The following SAG variants were observed in gnomAD, a reference collection of about 807,000 sequenced individuals.
SAG encodes the protein S-antigen visual arrestin.
SAG carries 45 observed loss-of-function variants against 55.0 expected under a neutral mutation model. The ratio of observed to expected loss-of-function variants is 0.82; its 90% CI spans 0.64 to 1.05. The LOEUF (loss-of-function observed/expected upper bound fraction) is 1.05, where lower values mean the gene tolerates loss of function less well. Among genes scored for constraint, SAG ranks in the 50% least tolerant of loss-of-function variants. SAG has a pLI of 0.00. For missense variants in SAG, 455 were observed against 512.1 expected, an observed-to-expected ratio of 0.89 and a Z score of 1.08; for synonymous variants, 189 against 197.4, an observed-to-expected ratio of 0.96 and a Z score of 0.36.
intron 2 of SAG, among the ~76,000 whole-genome samples, chr2:233,313,451 A>G (rs1700132199): frequency 6.6e-6 from 1 of 152,180 alleles, no homozygotes; most frequent in Non-Finnish European, 1.5e-5. Context: ...ACTGAGCAGC[A>G]GAATAGCGAG....
chr2:233,334,915 A>G lies in SAG; in HGVS notation c.807-47A>G, dbSNP rs759380575. 23 of 1,608,098 alleles carry G rather than the reference A, an allele frequency of 1.4e-5. No individual in the cohort carries two copies. In the South Asian group the frequency reaches 2.1e-4, roughly 15 times the overall value. Reference sequence around the variant, plus strand: ...TGTCAAATAGGGGCTCATGGGGTCCATGGCAGCTTTGATGGTTATAAATCT... The same window carrying G: ...TGTCAAATAGGGGCTCATGGGGTCCGTGGCAGCTTTGATGGTTATAAATCT... On this transcript the variant is annotated intron_variant, in intron 10 of 15. Transcript: ENST00000409110.
chr2:233,320,181 G>A (rs902648826), intron 4 of SAG, among the ~76,000 whole-genome samples: 4 of 152,164 alleles, frequency 2.6e-5, no homozygotes, highest in African/African-American at 4.8e-5. Flanking sequence ...CTCAGCCCAC[G>A]ATTGACCCTG....
chr2:233,342,213 GTGT>G (rs2125352542), intron 13 of SAG, 55 bp from the exon 14 acceptor site: 1 of 1,310,084 alleles, frequency 7.6e-7, no homozygotes, highest in African/African-American at 1.5e-5. Flanking sequence ...GGTCTTTGCT[GTGT>G]TACTTACAAT....
At chr2:233,316,292 T>A (rs888186230) in intron 3 of SAG, among the ~76,000 whole-genome samples, 157 bp downstream of exon 3, 1 of 152,090 alleles carries the variant, frequency 6.6e-6, no homozygotes, top group African/African-American at 2.4e-5. Context: ...GAAACAATTT[T>A]ATTTATTTTT....
At chr2:233,310,551 C>T (rs926199016) in intron 2 of SAG, among the ~76,000 whole-genome samples, 7 of 148,142 alleles carry the variant, frequency 4.7e-5, no homozygotes, top group Non-Finnish European at 7.4e-5. Context: ...ACTCTGTCAC[C>T]GAGGCTGGAG....
At chr2:233,315,019 C>G (rs867566328) in intron 2 of SAG, among the ~76,000 whole-genome samples, 8 of 152,188 alleles carry the variant, frequency 5.3e-5, no homozygotes, top group African/African-American at 1.9e-4. Context: ...TGCAGAGACT[C>G]CAGATTACTA....
Position 233,346,887 on chromosome 2 carries a change from G to A in SAG, c.1193G>A (p.Arg398Lys). The change falls in exon 16 of 16, where the codon AGA (arginine) becomes AAA (lysine). Residue 398 changes from arginine (R) to lysine (K), a missense_variant. Physicochemically the swap from Arg to Lys is conservative, Grantham distance 26 (BLOSUM62 2). Transcript: ENST00000409110. The part of the protein sequence containing the change: ...KDAGEAEEGK[R>K]DKNDVDE ...GCAGGAGAAGCTGAGGAGGGGAAGA[G>A]AGACAAGAATGACGTTGATGAGTGA... 6.2e-7 allele frequency: 1 copy of A among 1,611,738 alleles called. No individual in the cohort carries two copies. Among genetic ancestry groups the A allele is most frequent in the African/African-American group, 1.3e-5 (1 of 75,034 alleles).
intron 7 of SAG, 85 bp from the exon 8 acceptor site, chr2:233,328,393 C>T: frequency 6.7e-7 from 1 of 1,491,648 alleles, no homozygotes; most frequent in Non-Finnish European, 9.2e-7. Context: ...TGGAGAATCT[C>T]CATGTGACAG....
At chr2:233,311,484 G>A (rs1291751561) in intron 2 of SAG, among the ~76,000 whole-genome samples, 3 of 152,202 alleles carry the variant, frequency 2.0e-5, no homozygotes, top group Non-Finnish European at 1.5e-5. Flanking sequence ...TAGTGAATCA[G>A]GCCAATCAAG....
chr2:233,331,616 C>A, intron 9 of SAG, 24 bp from the exon 10 acceptor site: 1 of 1,561,504 alleles, frequency 6.4e-7, no homozygotes, highest in Non-Finnish European at 8.8e-7. Context: ...TGCTGACCAC[C>A]GGACTCCCGT....
chr2:233,325,651 C>T (rs1438782221), intron 6 of SAG, among the ~76,000 whole-genome samples: 1 of 152,146 alleles, frequency 6.6e-6, no homozygotes, highest in East Asian at 1.9e-4. Flanking sequence ...ATAAGAGAGA[C>T]CCCAAATTCA....
At chr2:233,337,037 A>C (rs1700955131) in intron 11 of SAG, among the ~76,000 whole-genome samples, 2 of 151,942 alleles carry the variant, frequency 1.3e-5, no homozygotes, top group Admixed American at 1.3e-4. Context: ...TCGAGGCTAC[A>C]GTGACCTATG....
At chr2:233,335,558 G>A (rs59026202) in intron 11 of SAG, among the ~76,000 whole-genome samples, 6,578 of 150,438 alleles carry the variant, frequency 0.044, 482 homozygotes, top group African/African-American at 0.15. Flanking sequence ...TGTAAACTGA[G>A]TAATGCTCTT....
Position 233,327,214 on chromosome 2 carries a change from G to A in SAG, c.512+17G>A, listed in dbSNP as rs745416893. On this transcript the variant is annotated intron_variant, in intron 7 of 15. Transcript: ENST00000409110. ...CCCCAAGAAGTAAGAGTATGGTTGC[G>A]GAATAGGTGAGGGGTCTGCGGTGGG... is the stretch of plus-strand genomic sequence containing the variant. 31 of 1,607,486 alleles carry A rather than the reference G, an allele frequency of 1.9e-5. No homozygotes were observed. Among genetic ancestry groups the A allele is most frequent in the Middle Eastern group, 1.6e-4 (1 of 6,074 alleles).
chr2:233,337,095 CA>C (rs5839479), intron 11 of SAG, among the ~76,000 whole-genome samples: 61,980 of 142,090 alleles, frequency 0.44, 13,308 homozygotes, highest in Non-Finnish European at 0.51. Flanking sequence ...GACCCTGTCT[CA>C]AAAAAAAAAA....
intron 11 of SAG, among the ~76,000 whole-genome samples, chr2:233,336,881 A>G (rs891497236): frequency 3.3e-5 from 5 of 152,278 alleles, no homozygotes; most frequent in Admixed American, 6.5e-5. Context: ...GAATCGCTTG[A>G]GCCCAGGAGT....
Position 233,319,425 on chromosome 2 carries a change from C to T in SAG, c.181+630C>T. The T allele has an allele frequency of 3.3e-6, 1 of 301,112 alleles. No individual in the cohort carries two copies. The highest frequency in any genetic ancestry group is 5.1e-6 in the Non-Finnish European group (1 of 194,800). The allele number at this position is 301,112 out of a possible 1,614,324, so 18.7% of individuals were successfully genotyped here. On this transcript the variant is annotated intron_variant, in intron 4 of 15. Coordinates refer to ENST00000409110, the MANE Select transcript of SAG (RefSeq NM_000541.5). The surrounding 1 kb of genome is among the most constrained non-coding windows in gnomAD (Gnocchi z 4.4). The stretch of plus-strand genomic sequence containing the variant: ...AGTAATTTGTTACTAATAACAGTTG[C>T]ATAAACCAAATTAGAACAGATTCCA...
chr2:233,338,581 A>G (rs1329776783), intron 11 of SAG, 95 bp from the exon 12 acceptor site: 3 of 1,103,990 alleles, frequency 2.7e-6, no homozygotes, highest in Non-Finnish European at 4.2e-6. Context: ...GAGAACCTCC[A>G]TGACGGCATG....
At chr2:233,310,470 T>C (rs1700047514) in intron 2 of SAG, among the ~76,000 whole-genome samples, 1 of 151,422 alleles carries the variant, frequency 6.6e-6, no homozygotes, top group Non-Finnish European at 1.5e-5. Flanking sequence ...AAGCAGTGGC[T>C]ACCCTACTGG....
Sources: allele counts gnomAD v4.1 joint callset (sites outside exome capture counted in the v4.1 genomes callset), GRCh38; gene constraint gnomAD v4.1.1; non-coding constraint Gnocchi (gnomAD v3.1); transcripts MANE v1.5; gene names NCBI Gene and HGNC (gene_info 2026-07-23, HGNC 2026-07-21).